The following ZNF536 variants were observed in gnomAD, a reference collection of about 807,000 sequenced individuals.
ZNF536 encodes zinc finger protein 536.
A neutral mutation model predicts 84.5 loss-of-function variants in ZNF536; 13 were observed. The observed-to-expected ratio is 0.15, with a 90% confidence interval of 0.10 to 0.24. The LOEUF (loss-of-function observed/expected upper bound fraction) is 0.24. Among genes scored for constraint, ZNF536 ranks in the 10% least tolerant of loss-of-function variants. The pLI, the probability that ZNF536 is intolerant of heterozygous loss-of-function variation, is 1.00. For synonymous variants in ZNF536, 811 were observed against 742.5 expected (o/e 1.09, Z -1.50); for missense variants, 1,536 against 1,747.5 (o/e 0.88, Z 2.16).
At chr19:30,433,304 G>A (rs779503016) in intron 1 of ZNF536, among the ~76,000 whole-genome samples, 2 of 152,140 alleles carry the variant, frequency 1.3e-5, no homozygotes, top group Non-Finnish European at 2.9e-5. Context: ...GGTGACCCAA[G>A]CTTCATGAGT....
intron 2 of ZNF536, among the ~76,000 whole-genome samples, chr19:30,320,080 A>T (rs2046805960): frequency 6.6e-6 from 1 of 152,202 alleles, no homozygotes; most frequent in Non-Finnish European, 1.5e-5. Flanking sequence ...GTTACTGGCA[A>T]TCCCCATGTT....
At chr19:30,375,662 G>A (rs564994847) in intron 1 of ZNF536, among the ~76,000 whole-genome samples, 4 of 152,368 alleles carry the variant, frequency 2.6e-5, no homozygotes, top group African/African-American at 4.8e-5. Context: ...TGTACATGGC[G>A]TGTGCCTGGA....
At chr19:30,553,974 C>T (rs141003475) in intron 4 of ZNF536, 1 of 152,216 alleles carries the variant, frequency 6.6e-6, no homozygotes, top group Non-Finnish European at 1.5e-5. Flanking sequence ...CCTAACATCC[C>T]CAGCTTATCA....
chr19:30,257,420 G>A (rs1280111789), intron 1 of ZNF536, among the ~76,000 whole-genome samples: 2 of 152,102 alleles, frequency 1.3e-5, no homozygotes, highest in East Asian at 3.9e-4. Flanking sequence ...CCAAGTCTGG[G>A]GTCTGAATAT....
intron 1 of ZNF536, among the ~76,000 whole-genome samples, chr19:30,694,926 T>A (rs879694965): frequency 1.3e-5 from 2 of 152,054 alleles, no homozygotes; most frequent in African/African-American, 2.4e-5. Flanking sequence ...CTTGGAGATG[T>A]GATTGGGATT....
chr19:30,466,675 G>T lies in ZNF536; in HGVS notation c.2170+20943G>T, dbSNP rs1600860863. ...TTTTGAGATGGAGTTTTGCTCTGTT[G>T]TCCAGTCTAAGAAAGAAAAAGAAGG... is the stretch of plus-strand genomic sequence containing the variant. On this transcript the variant is annotated intron_variant, in intron 2 of 4. Coordinates refer to ENST00000355537, the MANE Select transcript of ZNF536 (RefSeq NM_014717.3). 2.8e-5 allele frequency among the ~76,000 whole-genome samples: 4 copies of T among 145,064 alleles called. No homozygotes were observed. In the Admixed American group the frequency reaches 2.8e-4, roughly 10 times the overall value.
At chr19:30,577,370 G>A (rs2046776338) in intron 1 of ZNF536, among the ~76,000 whole-genome samples, 1 of 152,008 alleles carries the variant, frequency 6.6e-6, no homozygotes, top group Non-Finnish European at 1.5e-5. Context: ...GTGTTCTTGG[G>A]GGTTGGGGTA....
chr19:30,672,666 T>C (rs745723130), intron 1 of ZNF536, among the ~76,000 whole-genome samples: 2 of 152,192 alleles, frequency 1.3e-5, no homozygotes, highest in Non-Finnish European at 2.9e-5. Context: ...ACACATCAAA[T>C]TCTCTGCTAC....
At chr19:30,611,511 A>C (rs2147050647) in intron 1 of ZNF536, among the ~76,000 whole-genome samples, 1 of 152,340 alleles carries the variant, frequency 6.6e-6, no homozygotes, top group East Asian at 1.9e-4. Flanking sequence ...TTCACTTACC[A>C]CATAATCCTT....
intron 1 of ZNF536, among the ~76,000 whole-genome samples, chr19:30,279,500 G>A (rs1359251465): frequency 6.6e-6 from 1 of 152,208 alleles, no homozygotes; most frequent in Non-Finnish European, 1.5e-5. Flanking sequence ...GTCTGAGAAA[G>A]AGAGAATCAC....
chr19:30,279,750 G>A (rs2045369947), intron 1 of ZNF536, among the ~76,000 whole-genome samples: 1 of 152,192 alleles, frequency 6.6e-6, no homozygotes, highest in African/African-American at 2.4e-5. Flanking sequence ...GGGAGCCACT[G>A]CACTCAAGTG....
chr19:30,683,514 C>A (rs1600254225), intron 1 of ZNF536, among the ~76,000 whole-genome samples: 1 of 152,034 alleles, frequency 6.6e-6, no homozygotes, highest in East Asian at 1.9e-4. Context: ...TAGCTGCCAG[C>A]CCACCTCATC....
chr19:30,411,779 C>G (rs1219379787), intron 1 of ZNF536, among the ~76,000 whole-genome samples: 1 of 152,030 alleles, frequency 6.6e-6, no homozygotes, highest in East Asian at 1.9e-4. Context: ...GCAATTATCA[C>G]ATTTTTTAAT....
intron 1 of ZNF536, among the ~76,000 whole-genome samples, chr19:30,242,079 G>A (rs779281747): frequency 2.0e-5 from 3 of 152,124 alleles, no homozygotes; most frequent in Non-Finnish European, 4.4e-5. Flanking sequence ...TAATTCCTGT[G>A]GGAGGGCATC....
At chr19:30,669,727 A>G (rs1459074732) in intron 1 of ZNF536, among the ~76,000 whole-genome samples, 1 of 152,206 alleles carries the variant, frequency 6.6e-6, no homozygotes, top group East Asian at 1.9e-4. Flanking sequence ...ACAAACACCC[A>G]ATTTTGCTGT....
In ZNF536 at chr19:30,443,776, A is replaced by C. The variant is rs1239948471; in HGVS notation, c.214A>C (p.Met72Leu). The change falls in exon 2 of 5, where the codon ATG becomes CTG. Residue 72 changes from methionine to leucine, a missense_variant. By Grantham distance (15) the Met-to-Leu change is conservative. Coordinates refer to ENST00000355537, the MANE Select transcript of ZNF536 (RefSeq NM_014717.3). Reference sequence around the variant, plus strand: ...CCTGGAGGAGAAGGCCCACGTGCCCATGAGCGGCCAGCCCATGGGCAGTCA... The same window carrying C: ...CCTGGAGGAGAAGGCCCACGTGCCCCTGAGCGGCCAGCCCATGGGCAGTCA... Reference protein sequence around the residue: ...ASLEEKAHVPMSGQPMGSQMA... With the variant: ...ASLEEKAHVPLSGQPMGSQMA... 6.2e-7 allele frequency: 1 copy of C among 1,612,812 alleles called. No homozygotes were observed. The highest frequency in any genetic ancestry group is 1.3e-5 in the African/African-American group (1 of 74,934).
At chr19:30,695,761 T>A (rs2051631732) in intron 1 of ZNF536, among the ~76,000 whole-genome samples, 2 of 152,166 alleles carry the variant, frequency 1.3e-5, no homozygotes, top group Admixed American at 1.3e-4. Context: ...TGGAGAGGTC[T>A]CACTGTTGGT....
At position 30,660,945 on chromosome 19, in the gene ZNF536, C is replaced by T. The variant is rs535214073; in HGVS notation, c.170-49812C>T. Among the ~76,000 whole-genome samples, 11 of 152,296 alleles carry T rather than the reference C, an allele frequency of 7.2e-5. No individual in the cohort carries two copies. The East Asian group carries it at 1.9e-3, about 27-fold the overall frequency. On this transcript the variant is annotated intron_variant, in intron 1 of 1. Transcript: ENST00000592773. Reference sequence around the variant, plus strand: ...AGCAGCCTTCTGCATTTACACATGGCGCCTGTTTCGTTTTGTGCAAACATT... The same window carrying T: ...AGCAGCCTTCTGCATTTACACATGGTGCCTGTTTCGTTTTGTGCAAACATT...
intron 1 of ZNF536, among the ~76,000 whole-genome samples, chr19:30,383,915 T>TTTCCC (rs1322639290): frequency 0.044 from 1,474 of 33,370 alleles, 388 homozygotes; most frequent in African/African-American, 0.22. Context: ...CCTTTCTTCC[T>TTTCCC]TTCCCTTCCC....
Sources: gnomAD v4.1 joint callset for allele counts (sites outside exome capture counted in the v4.1 genomes callset) on GRCh38, gnomAD v4.1.1 for gene constraint, MANE v1.5 for transcripts, NCBI Gene and HGNC (gene_info 2026-07-23, HGNC 2026-07-21) for gene names.